Variants in GSK3B observed in about 807,000 individuals in gnomAD.
The protein encoded by GSK3B is glycogen synthase kinase 3 beta.
Under a neutral mutation model 56.4 loss-of-function variants are expected in GSK3B, and 15 were observed. The observed-to-expected ratio is 0.27, with a 90% CI of 0.18 to 0.41. GSK3B has a LOEUF of 0.41. GSK3B is among the 10% of genes least tolerant of loss of function. The probability of loss-of-function intolerance (pLI) is 1.00; values close to 1 mark genes in which losing one functional copy is unlikely to be tolerated. For synonymous variants in GSK3B, 181 were observed against 188.9 expected, an observed-to-expected ratio of 0.96 and a Z score of 0.34; for missense variants, 300 against 513.4, an observed-to-expected ratio of 0.58 and a Z score of 4.02.
chr3:119,826,574 A>G lies in GSK3B; in HGVS notation c.*214T>C, dbSNP rs1166211536. On this transcript the variant is annotated 3_prime_UTR_variant, in exon 11 of 11. Coordinates refer to ENST00000264235, the MANE Select transcript of GSK3B (RefSeq NM_001146156.2). ...CCCCACAACCCCTCCCACCCCCTGG[A>G]TCTCCCTCAAAGTGAGAATACAATG... 2.8e-4 allele frequency: 112 copies of G among 406,168 alleles called. No homozygotes were observed. Among genetic ancestry groups the G allele is most frequent in the Non-Finnish European group, 3.6e-4 (73 of 201,418 alleles). 25.2% of individuals were successfully genotyped at this position (406,168 alleles called of 1,614,324 possible).
chr3:119,980,435 C>T (rs895488070), intron 2 of GSK3B, among the ~76,000 whole-genome samples: 19 of 152,150 alleles, frequency 1.2e-4, no homozygotes, highest in Non-Finnish European at 2.9e-5. Context: ...TCACCACAAC[C>T]TCTGCCTCAT....
intron 2 of GSK3B, among the ~76,000 whole-genome samples, chr3:119,994,151 T>G (rs1245952324): frequency 2.0e-5 from 3 of 152,134 alleles, no homozygotes; most frequent in Non-Finnish European, 4.4e-5. Context: ...TGTGAGCCAC[T>G]GCACCTGGCC....
chr3:119,947,995 T>A (rs2057117000), intron 2 of GSK3B, among the ~76,000 whole-genome samples: 1 of 152,080 alleles, frequency 6.6e-6, no homozygotes, highest in Non-Finnish European at 1.5e-5. Flanking sequence ...AAAAAAGAAA[T>A]CACTAAATAA....
chr3:119,872,697 C>T (rs1162877679), intron 8 of GSK3B, among the ~76,000 whole-genome samples: 1 of 152,172 alleles, frequency 6.6e-6, no homozygotes. Context: ...TGGAGTGCTA[C>T]ATCCTTCACA....
At chr3:119,851,969 A>T (rs1213727910) in intron 9 of GSK3B, among the ~76,000 whole-genome samples, 1 of 152,220 alleles carries the variant, frequency 6.6e-6, no homozygotes, top group African/African-American at 2.4e-5. Flanking sequence ...TTACTTGTAT[A>T]TATTTCCTTG....
intron 1 of GSK3B, among the ~76,000 whole-genome samples, chr3:120,073,203 T>A (rs2058339978): frequency 7.9e-6 from 1 of 126,452 alleles, no homozygotes; most frequent in Admixed American, 9.2e-5. Flanking sequence ...GGAGACCTCA[T>A]CTCTACAAAA....
Position 119,825,996 on chromosome 3 carries a change from T to C in GSK3B, c.*792A>G, listed in dbSNP as rs1346369460. 2 of 217,970 alleles carry C rather than the reference T, an allele frequency of 9.2e-6. No individual in the cohort carries two copies. The highest frequency in any genetic ancestry group is 1.2e-4 in the Admixed American group (2 of 17,270). The allele number at this position is 217,970 out of a possible 1,614,324, so 13.5% of individuals were successfully genotyped here. On this transcript the variant is annotated 3_prime_UTR_variant, in exon 11 of 11. Coordinates refer to ENST00000264235, the MANE Select transcript of GSK3B (RefSeq NM_001146156.2). Reference sequence around the variant, plus strand: ...TCACTAGTTTGAAACTGTGCTAAGATTTGCAAAGAACTTTGGTCAGGCAAA... The same window carrying C: ...TCACTAGTTTGAAACTGTGCTAAGACTTGCAAAGAACTTTGGTCAGGCAAA...
chr3:119,955,386 A>G (rs1047557292), intron 2 of GSK3B, among the ~76,000 whole-genome samples: 1 of 152,200 alleles, frequency 6.6e-6, no homozygotes, highest in African/African-American at 2.4e-5. Context: ...ACTATGTGTC[A>G]GAACTGGGGG....
intron 1 of GSK3B, among the ~76,000 whole-genome samples, chr3:120,091,087 T>C (rs1232488851): frequency 6.6e-6 from 1 of 152,202 alleles, no homozygotes; most frequent in Non-Finnish European, 1.5e-5. Context: ...GTCTCACCCC[T>C]TTACTCTTTG....
chr3:120,070,065 T>A (rs2058313873), intron 1 of GSK3B, among the ~76,000 whole-genome samples: 1 of 151,876 alleles, frequency 6.6e-6, no homozygotes, highest in African/African-American at 2.4e-5. Context: ...ATACAAAAAT[T>A]AGCTGGGTGT....
At position 119,866,659 on chromosome 3, in the gene GSK3B, A is replaced by T. The variant is rs775441862; in HGVS notation, c.910-3054T>A. On this transcript the variant is annotated intron_variant, in intron 8 of 10. Coordinates refer to ENST00000264235, the MANE Select transcript of GSK3B (RefSeq NM_001146156.2). ...GATGATAATGCAGTGAAATAATCCA[A>T]ACAGGGGAAGTCAATCCAAAAGAGA... 3 of 1,512,690 alleles carry T rather than the reference A, an allele frequency of 2.0e-6. No homozygotes were observed. The East Asian group carries it at 6.8e-5, about 34-fold the overall frequency. The allele number at this position is 1,512,690 out of a possible 1,614,324, so 93.7% of individuals were successfully genotyped here. A position where few individuals can be genotyped will look rare whatever the true frequency, so the allele number is the denominator to read the frequency against.
chr3:119,984,661 C>G (rs1576248469), intron 2 of GSK3B, among the ~76,000 whole-genome samples: 1 of 152,182 alleles, frequency 6.6e-6, no homozygotes, highest in East Asian at 1.9e-4. Flanking sequence ...CAAGAATAAA[C>G]CAGGAAGAAG....
chr3:120,055,474 T>C (rs2058184545), intron 1 of GSK3B, among the ~76,000 whole-genome samples: 1 of 152,196 alleles, frequency 6.6e-6, no homozygotes, highest in Non-Finnish European at 1.5e-5. Flanking sequence ...TATGTACATT[T>C]TAAATTACTT....
rs61063108 is a variant in GSK3B, at chr3:119,991,510, C to CAA, written c.282+10534_282+10535dup. Among the ~76,000 whole-genome samples, 560 of 78,858 alleles carry CAA rather than the reference C, an allele frequency of 7.1e-3. 3 individuals are homozygous for CAA. The highest frequency in any genetic ancestry group is 0.017 in the African/African-American group (388 of 22,430). The allele number at this position is 78,858 out of a possible 152,430, so 51.7% of individuals were successfully genotyped here. On this transcript the variant is annotated intron_variant, in intron 2 of 10. Transcript: ENST00000264235. ...ATTATCTCTCATCTTTACTATTCAC[C>CAA]AAAAAAAAAAAAAAAAAAAAAGCCT...
intron 1 of GSK3B, among the ~76,000 whole-genome samples, chr3:120,003,851 T>C (rs1218401408): frequency 6.6e-6 from 1 of 152,256 alleles, no homozygotes; most frequent in Non-Finnish European, 1.5e-5. Context: ...AGGTGATTTC[T>C]GCATTTCCAA....
intron 9 of GSK3B, 25 bp downstream of exon 9, chr3:119,863,394 G>A (rs200255807): frequency 5.1e-6 from 8 of 1,581,136 alleles, no homozygotes; most frequent in Non-Finnish European, 7.0e-6. Flanking sequence ...TAGAACTGGT[G>A]AAGAGGCTAA....
At chr3:120,086,664 G>A (rs958304064) in intron 1 of GSK3B, among the ~76,000 whole-genome samples, 1 of 152,060 alleles carries the variant, frequency 6.6e-6, no homozygotes, top group Non-Finnish European at 1.5e-5. Context: ...GCATGTTGGC[G>A]CATGCCTATA....
chr3:119,996,421 T>A (rs1480890186), intron 2 of GSK3B, among the ~76,000 whole-genome samples: 1 of 152,218 alleles, frequency 6.6e-6, no homozygotes, highest in Non-Finnish European at 1.5e-5. Context: ...AGCCAAGGCT[T>A]TGGGTGCTCT....
At chr3:119,968,145 C>T (rs1021667141) in intron 2 of GSK3B, among the ~76,000 whole-genome samples, 7 of 152,116 alleles carry the variant, frequency 4.6e-5, no homozygotes, top group African/African-American at 1.7e-4. Flanking sequence ...TGAGCCACCA[C>T]GTCCAGCCCA....
Sources: allele counts gnomAD v4.1 joint callset (sites outside exome capture counted in the v4.1 genomes callset), GRCh38; gene constraint gnomAD v4.1.1; transcripts MANE v1.5; gene names NCBI Gene and HGNC (gene_info 2026-07-23, HGNC 2026-07-21).